CRTAC1: variants seen among roughly 807,000 people sequenced by gnomAD.
CRTAC1 encodes cartilage acidic protein 1, also known as acidic secreted protein in cartilage.
A neutral mutation model predicts 67.8 loss-of-function variants in CRTAC1; 37 were observed. The observed-to-expected ratio is 0.55, with a 90% CI of 0.42 to 0.72. CRTAC1 has a LOEUF of 0.72. Ranked by LOEUF, CRTAC1 falls within the 30% of genes least tolerant of loss-of-function variation. The probability of loss-of-function intolerance (pLI) is 0.00; values close to 1 mark genes in which losing one functional copy is unlikely to be tolerated. For missense variants in CRTAC1, 780 were observed against 931.6 expected (o/e 0.84, Z 2.12); for synonymous variants, 348 against 371.0 (o/e 0.94, Z 0.71).
intron 2 of CRTAC1, among the ~76,000 whole-genome samples, chr10:97,946,489 C>T (rs181172421): frequency 2.0e-5 from 3 of 152,200 alleles, no homozygotes; most frequent in Admixed American, 2.0e-4. Context: ...TGTAAAAAAC[C>T]CCAGAAAAGA....
chr10:98,005,847 T>C (rs573744049), intron 2 of CRTAC1, among the ~76,000 whole-genome samples: 64 of 152,320 alleles, frequency 4.2e-4, no homozygotes, highest in Middle Eastern at 3.4e-3. Context: ...CAATTTGCCT[T>C]TTAAATAATT....
chr10:97,901,546 TGAA>T lies in CRTAC1; in HGVS notation c.1087_1089del (p.Phe363del). The stretch of plus-strand genomic sequence containing the variant: ...GAGGAGCTGCGGTAGGCAATGTTGT[TGAA>T]GAAGATCTCCAGCTCCTGGTCATTG... On this transcript the variant is annotated inframe_deletion, in exon 8 of 15. Coordinates refer to ENST00000370597, the MANE Select transcript of CRTAC1 (RefSeq NM_018058.7). The T allele has an allele frequency of 2.5e-6, 4 of 1,614,160 alleles. No homozygotes were observed. Among genetic ancestry groups the T allele is most frequent in the Non-Finnish European group, 8.5e-7 (1 of 1,180,026 alleles).
intron 2 of CRTAC1, among the ~76,000 whole-genome samples, chr10:97,967,284 T>C (rs890732586): frequency 2.6e-5 from 4 of 152,228 alleles, no homozygotes; most frequent in African/African-American, 9.6e-5. Context: ...TGGGAGCTCT[T>C]TCAGTTAGCT....
rs1030779261 is a variant in CRTAC1 at position 98,030,454 on chromosome 10, G to T, written c.19C>A (p.Pro7Thr). 14 of 1,250,436 alleles carry T rather than the reference G, an allele frequency of 1.1e-5. No homozygotes were observed. Among genetic ancestry groups the T allele is most frequent in the Non-Finnish European group, 1.4e-5 (14 of 989,580 alleles). The allele number at this position is 1,250,436 out of a possible 1,614,324, so 77.5% of individuals were successfully genotyped here. ...GCACCGGTGCAGATACTCACGCCGG[G>T]GTCAGCGCTCGGAGCCATCCTCCCG... is the stretch of plus-strand genomic sequence containing the variant. MAPSAD[P>T]GMSRMLPFLL... Residue 7 changes from proline (P) to threonine (T), a missense_variant, in exon 1 of 15, where the codon CCC (proline) becomes ACC (threonine). Coordinates refer to ENST00000370597, the MANE Select transcript of CRTAC1 (RefSeq NM_018058.7). This position sits in a 1 kb window ranked among gnomAD's most constrained non-coding sequence, Gnocchi z 4.2.
chr10:98,007,612 A>T (rs2136691108), intron 2 of CRTAC1, among the ~76,000 whole-genome samples: 1 of 152,322 alleles, frequency 6.6e-6, no homozygotes, highest in East Asian at 1.9e-4. Flanking sequence ...AACATCCAGC[A>T]GCCTAAGCTT....
intron 2 of CRTAC1, among the ~76,000 whole-genome samples, chr10:98,009,086 C>G (rs1842856125): frequency 6.6e-6 from 1 of 152,192 alleles, no homozygotes; most frequent in Admixed American, 6.5e-5. Flanking sequence ...CAACCCTGCT[C>G]AGGTCACCCC....
At chr10:97,918,278 T>C (rs959813031) in intron 4 of CRTAC1, among the ~76,000 whole-genome samples, 2 of 152,212 alleles carry the variant, frequency 1.3e-5, no homozygotes, top group Non-Finnish European at 2.9e-5. Flanking sequence ...TATAACACTG[T>C]CTCAAAGATT....
At chr10:97,868,874 G>A (rs996763105) in intron 14 of CRTAC1, 3 of 152,030 alleles carry the variant, frequency 2.0e-5, no homozygotes, top group Admixed American at 6.5e-5. Context: ...AGTAGCTGAC[G>A]TTTATTTAGC....
intron 2 of CRTAC1, among the ~76,000 whole-genome samples, chr10:97,977,602 C>G (rs1244220549): frequency 6.6e-6 from 1 of 151,994 alleles, no homozygotes; most frequent in Non-Finnish European, 1.5e-5. Context: ...AGGGTACCAA[C>G]TCAAATTTGA....
chr10:97,947,721 C>G (rs1400233312), intron 2 of CRTAC1, among the ~76,000 whole-genome samples: 1 of 152,028 alleles, frequency 6.6e-6, no homozygotes, highest in Admixed American at 6.5e-5. Flanking sequence ...GTGTACTGGG[C>G]AACTAAGATT....
At position 97,953,441 on chromosome 10, in the gene CRTAC1, T is replaced by C. The variant is rs139864687; in HGVS notation, c.225-17075A>G. On this transcript the variant is annotated intron_variant, in intron 2 of 14. Transcript: ENST00000370597. ...CCAGCCGGAGGTCTCTGTTGATTTG[T>C]AGCCTCGATAAATGGCCAGGAGGCC... is the stretch of plus-strand genomic sequence containing the variant. Among the ~76,000 whole-genome samples the C allele has an allele frequency of 6.9e-3, 1,051 of 152,272 alleles. 20 individuals are homozygous for C. The highest frequency in any genetic ancestry group is 0.023 in the African/African-American group (963 of 41,540).
At chr10:97,921,162 G>T (rs2050830928) in intron 4 of CRTAC1, among the ~76,000 whole-genome samples, 1 of 152,154 alleles carries the variant, frequency 6.6e-6, no homozygotes, top group African/African-American at 2.4e-5. Context: ...CAGTCTGTCT[G>T]GAGGGTGGAG....
intron 2 of CRTAC1, among the ~76,000 whole-genome samples, chr10:97,938,351 C>T (rs2051122076): frequency 6.6e-6 from 1 of 152,202 alleles, no homozygotes; most frequent in South Asian, 2.1e-4. Flanking sequence ...TCCATCACTA[C>T]TGCACCTTGT....
At chr10:97,927,841 C>T (rs1033893376) in intron 3 of CRTAC1, among the ~76,000 whole-genome samples, 1 of 152,172 alleles carries the variant, frequency 6.6e-6, no homozygotes, top group African/African-American at 2.4e-5. Flanking sequence ...AGATAAACAG[C>T]GAGCTGTGCG....
chr10:97,925,695 T>C (rs1418108545), intron 3 of CRTAC1, among the ~76,000 whole-genome samples: 2 of 22,898 alleles, frequency 8.7e-5, no homozygotes, highest in African/African-American at 3.6e-4. Flanking sequence ...TGAGAGTGAG[T>C]GTGTGGGGGG....
chr10:97,917,455 G>A, intron 5 of CRTAC1, 45 bp downstream of exon 5: 6 of 1,421,236 alleles, frequency 4.2e-6, no homozygotes, highest in Non-Finnish European at 5.6e-6. Context: ...CTGGCCCCCA[G>A]CCCCAGCCCC....
rs1264185599 is a variant in CRTAC1, at chr10:98,030,096, G to T, written c.24+353C>A. 6.6e-6 allele frequency among the ~76,000 whole-genome samples: 1 copy of T among 151,978 alleles called. No homozygotes were observed. ...TAGCCCGGCACATCCCTCCTCACCC[G>T]CTCCGCCCCCTCCAGGCCCCAGAGG... On this transcript the variant is annotated intron_variant, in intron 1 of 14. Coordinates refer to ENST00000370597, the MANE Select transcript of CRTAC1 (RefSeq NM_018058.7). The surrounding 1 kb of genome is among the most constrained non-coding windows in gnomAD (Gnocchi z 4.2).
At chr10:97,872,798 A>C (rs1033605510) in intron 14 of CRTAC1, among the ~76,000 whole-genome samples, 1 of 152,156 alleles carries the variant, frequency 6.6e-6, no homozygotes, top group Non-Finnish European at 1.5e-5. Flanking sequence ...TGCAGATCTA[A>C]ATATAGGGCT....
At chr10:97,945,222 G>A (rs368992896) in intron 2 of CRTAC1, among the ~76,000 whole-genome samples, 14 of 152,172 alleles carry the variant, frequency 9.2e-5, no homozygotes, top group African/African-American at 3.1e-4. Flanking sequence ...GCCTGGACTA[G>A]TTGTGTTGGT....
Sources: allele counts gnomAD v4.1 joint callset (sites outside exome capture counted in the v4.1 genomes callset), GRCh38; gene constraint gnomAD v4.1.1; non-coding constraint Gnocchi (gnomAD v3.1); transcripts MANE v1.5; gene names NCBI Gene and HGNC (gene_info 2026-07-23, HGNC 2026-07-21).